The following SNX14 variants were observed in gnomAD, a reference collection of about 807,000 sequenced individuals.
The protein encoded by SNX14 is sorting nexin 14, also known as sorting nexin-14.
Under a neutral mutation model 133.8 loss-of-function variants are expected in SNX14, and 93 were observed. The observed-to-expected ratio is 0.70, with a 90% confidence interval of 0.59 to 0.83. The LOEUF is 0.83. Ranked by LOEUF, SNX14 falls within the 40% of genes least tolerant of loss-of-function variation. SNX14 has a pLI of 0.00. For synonymous variants in SNX14, 368 were observed against 365.6 expected (o/e 1.01, Z -0.07); for missense variants, 945 against 1,094.9 (o/e 0.86, Z 1.93).
intron 12 of SNX14, among the ~76,000 whole-genome samples, chr6:85,546,100 A>G (rs1258701837): frequency 6.6e-6 from 1 of 152,244 alleles, no homozygotes; most frequent in African/African-American, 2.4e-5. Context: ...AAAAAATTAT[A>G]CAGGCAAAAC....
chr6:85,537,295 C>G (rs1782263786), intron 16 of SNX14, among the ~76,000 whole-genome samples: 1 of 152,040 alleles, frequency 6.6e-6, no homozygotes, highest in Non-Finnish European at 1.5e-5. Flanking sequence ...TGCTTAAGAT[C>G]TGTTCAAAAC....
chr6:85,518,010 C>T lies in SNX14; in HGVS notation c.2146G>A (p.Glu716Lys). 6.2e-7 allele frequency: 1 copy of T among 1,603,158 alleles called. No homozygotes were observed. Among genetic ancestry groups the T allele is most frequent in the Non-Finnish European group, 8.5e-7 (1 of 1,174,280 alleles). ...IKSVPGKLMK[E>K]KGQHLEPFIM... ...ACACACATAAATCAGTTACTCACCT[C>T]TTTCATTAGTTTTCCAGGAACAGAT... is the stretch of plus-strand genomic sequence containing the variant. Residue 716 changes from glutamate (E) to lysine (K), a missense_variant and splice_region_variant, in exon 22 of 29, where the codon GAG becomes AAG. Physicochemically the swap from Glu to Lys is moderately conservative, Grantham distance 56. This residue lies in a region of SNX14 where 412 missense variants were observed against 516.6 expected (regional missense o/e 0.80). Transcript: ENST00000314673.
chr6:85,551,781 A>G (rs1221339279), intron 7 of SNX14, among the ~76,000 whole-genome samples: 1 of 152,240 alleles, frequency 6.6e-6, no homozygotes, highest in Non-Finnish European at 1.5e-5. Context: ...CATGCAGAGG[A>G]CATAGGAAAT....
chr6:85,585,597 A>T (rs945426902), intron 1 of SNX14, among the ~76,000 whole-genome samples: 5 of 152,200 alleles, frequency 3.3e-5, no homozygotes, highest in Admixed American at 1.3e-4. Flanking sequence ...TTCTAACTGG[A>T]TACTAATGGA....
At chr6:85,528,462 A>G in intron 19 of SNX14, 100 bp from the exon 20 acceptor site, 1 of 829,440 alleles carries the variant, frequency 1.2e-6, no homozygotes. Context: ...CAGATTAGCA[A>G]TACTGCCTTG....
chr6:85,545,071 C>T (rs1160087049), intron 12 of SNX14, among the ~76,000 whole-genome samples: 1 of 152,134 alleles, frequency 6.6e-6, no homozygotes. Context: ...CTCTGAGGTA[C>T]ACTGAGGTTC....
chr6:85,546,986 G>GAAAAAAAAAAAAAAAAAA (rs1554238352), intron 12 of SNX14, 126 bp downstream of exon 12: 1 of 566,576 alleles, frequency 1.8e-6, no homozygotes. Flanking sequence ...AAAAAAAAAG[G>GAAAAAAAAAAAAAAAAAA]AAATCGAGTA....
chr6:85,547,339 T>C lies in SNX14; in HGVS notation c.971A>G (p.Glu324Gly). The C allele has an allele frequency of 6.2e-7, 1 of 1,613,706 alleles. No individual in the cohort carries two copies. The highest frequency in any genetic ancestry group is 8.5e-7 in the Non-Finnish European group (1 of 1,179,946). Residue 324 changes from glutamate to glycine, a missense_variant, in exon 11 of 29, where the codon GAA (glutamate) becomes GGA (glycine). Physicochemically the swap from Glu to Gly is moderately conservative, Grantham distance 98 (BLOSUM62 -2). Around this residue, in one of 3 missense-constraint regions of SNX14, gnomAD observed 514 missense variants for 538.8 expected, o/e 0.95. Transcript: ENST00000314673. ...PLVPFLQKFA[E>G]PRNKKPSVLK... The stretch of plus-strand genomic sequence containing the variant: ...TACAGATGGCTTTTTATTTCTAGGT[T>C]CTGCAAATTTCTGCAAGAATGGAAC...
At position 85,574,238 on chromosome 6, in the gene SNX14, A is replaced by G. The variant is rs991611495; in HGVS notation, c.261+20T>C. ...GGCTCATATACATTGATTCTTAACA[A>G]TAAGAACACATAATTTTACCTTGGG... On this transcript the variant is annotated intron_variant, in intron 2 of 28. Coordinates refer to ENST00000314673, the MANE Select transcript of SNX14 (RefSeq NM_153816.6). 5.2e-6 allele frequency: 8 copies of G among 1,547,312 alleles called. No homozygotes were observed. The highest frequency in any genetic ancestry group is 1.8e-4 in the Middle Eastern group (1 of 5,698).
chr6:85,516,506 T>G (rs754520934), intron 23 of SNX14, among the ~76,000 whole-genome samples: 7 of 151,454 alleles, frequency 4.6e-5, no homozygotes, highest in Non-Finnish European at 8.8e-5. Context: ...CAAATATTTA[T>G]AAAAAGTCTA....
intron 21 of SNX14, among the ~76,000 whole-genome samples, chr6:85,525,387 ATTAT>A (rs1778211215): frequency 6.6e-6 from 1 of 152,192 alleles, no homozygotes; most frequent in South Asian, 2.1e-4. Context: ...AAGAAACTAA[ATTAT>A]TTTTCTGTTA....
chr6:85,528,134 A>C, intron 20 of SNX14, 128 bp downstream of exon 20: 1 of 551,620 alleles, frequency 1.8e-6, no homozygotes, highest in Admixed American at 3.5e-5. Flanking sequence ...AAGGAAAAAT[A>C]TTTTCTAAAT....
At chr6:85,510,980 T>C (rs940570016) in intron 26 of SNX14, among the ~76,000 whole-genome samples, 4 of 152,196 alleles carry the variant, frequency 2.6e-5, no homozygotes, top group Non-Finnish European at 5.9e-5. Context: ...GGGATTTGGA[T>C]TGGGACTGCA....
chr6:85,541,259 C>G (rs1783646166), intron 15 of SNX14, among the ~76,000 whole-genome samples: 1 of 152,148 alleles, frequency 6.6e-6, no homozygotes, highest in East Asian at 1.9e-4. Flanking sequence ...TCACAAAGTG[C>G]TGGGATTACA....
At chr6:85,575,531 A>C (rs972980080) in intron 1 of SNX14, among the ~76,000 whole-genome samples, 2 of 152,238 alleles carry the variant, frequency 1.3e-5, no homozygotes, top group Non-Finnish European at 2.9e-5. Context: ...ATAAATCTGC[A>C]ATACACTTTA....
At chr6:85,564,101 T>G (rs935885079) in intron 6 of SNX14, among the ~76,000 whole-genome samples, 1 of 152,238 alleles carries the variant, frequency 6.6e-6, no homozygotes, top group African/African-American at 2.4e-5. Context: ...GGACATGAAC[T>G]CATCCTTTTT....
intron 12 of SNX14, among the ~76,000 whole-genome samples, chr6:85,544,890 G>A (rs1053338455): frequency 2.6e-5 from 4 of 152,130 alleles, no homozygotes; most frequent in Admixed American, 6.5e-5. Flanking sequence ...GAAGAGCACC[G>A]GGACAGTAAA....
chr6:85,506,557 C>A (rs2127739357), intron 28 of SNX14, among the ~76,000 whole-genome samples: 1 of 152,262 alleles, frequency 6.6e-6, no homozygotes, highest in South Asian at 2.1e-4. Flanking sequence ...ACCTCGTGAT[C>A]CCCCCGCCTT....
intron 7 of SNX14, among the ~76,000 whole-genome samples, chr6:85,557,621 C>G (rs1414156980): frequency 1.3e-5 from 2 of 151,966 alleles, no homozygotes; most frequent in African/African-American, 4.8e-5. Context: ...TGAGACTTGT[C>G]ATATCATAAA....
Sources: gnomAD v4.1 joint callset for allele counts (sites outside exome capture counted in the v4.1 genomes callset) on GRCh38, gnomAD v4.1.1 for gene constraint, gnomAD v4.1.1 regional missense constraint, MANE v1.5 for transcripts, NCBI Gene and HGNC (gene_info 2026-07-23, HGNC 2026-07-21) for gene names.